The following ERC2 variants were observed in gnomAD, a reference collection of about 807,000 sequenced individuals.
ERC2 encodes ERC protein 2.
Under a neutral mutation model 114.8 loss-of-function variants are expected in ERC2, and 42 were observed. The observed-to-expected ratio is 0.37, with a 90% confidence interval of 0.29 to 0.47. The LOEUF is 0.47. ERC2 is among the 20% of genes least tolerant of loss of function. The pLI is 0.99. For missense variants in ERC2, 939 were observed against 1,150.7 expected, an observed-to-expected ratio of 0.82 and a Z score of 2.66; for synonymous variants, 454 against 425.5, an observed-to-expected ratio of 1.07 and a Z score of -0.82.
intron 3 of ERC2, among the ~76,000 whole-genome samples, chr3:56,246,511 T>C (rs919448354): frequency 2.6e-5 from 4 of 152,148 alleles, no homozygotes; most frequent in African/African-American, 7.2e-5. Context: ...TATTGAGGTT[T>C]ACAGTTAGCC....
chr3:56,050,976 A>G (rs2075735171), intron 7 of ERC2, among the ~76,000 whole-genome samples: 1 of 152,230 alleles, frequency 6.6e-6, no homozygotes, highest in Admixed American at 6.5e-5. Flanking sequence ...TATTAGGGAA[A>G]GCACATGAGA....
At chr3:56,419,975 A>G (rs1485647785) in intron 2 of ERC2, among the ~76,000 whole-genome samples, 1 of 152,068 alleles carries the variant, frequency 6.6e-6, no homozygotes, top group African/African-American at 2.4e-5. Context: ...TCTGGCCATC[A>G]TGTGCACTGT....
intron 14 of ERC2, among the ~76,000 whole-genome samples, chr3:55,871,826 T>C (rs2062595839): frequency 6.6e-6 from 1 of 152,144 alleles, no homozygotes; most frequent in Non-Finnish European, 1.5e-5. Flanking sequence ...TTTTAAAAAA[T>C]TAAAATCTAA....
intron 3 of ERC2, among the ~76,000 whole-genome samples, chr3:56,253,116 G>C (rs139664535): frequency 6.6e-6 from 1 of 152,252 alleles, no homozygotes; most frequent in East Asian, 1.9e-4. Context: ...TTTCACTGCT[G>C]TACCTTACCA....
intron 7 of ERC2, among the ~76,000 whole-genome samples, chr3:56,022,547 G>A (rs2073787611): frequency 6.6e-6 from 1 of 151,998 alleles, no homozygotes; most frequent in Non-Finnish European, 1.5e-5. Context: ...ATAAAATTCT[G>A]TATCTTTTAA....
intron 14 of ERC2, among the ~76,000 whole-genome samples, chr3:55,792,080 C>T (rs950394654): frequency 6.6e-6 from 1 of 152,124 alleles, no homozygotes; most frequent in Non-Finnish European, 1.5e-5. Context: ...GTACAACAAA[C>T]CCCTAAATCT....
At chr3:56,017,831 T>G (rs1385924990) in intron 8 of ERC2, among the ~76,000 whole-genome samples, 5 of 152,182 alleles carry the variant, frequency 3.3e-5, no homozygotes, top group African/African-American at 1.2e-4. Flanking sequence ...TTTTCTTCTC[T>G]GCTGCATCCC....
chr3:55,591,937 C>G (rs1364804217), intron 17 of ERC2, among the ~76,000 whole-genome samples: 1 of 152,222 alleles, frequency 6.6e-6, no homozygotes, highest in Non-Finnish European at 1.5e-5. Flanking sequence ...TGACACATAG[C>G]TTCTGAAGAA....
intron 13 of ERC2, among the ~76,000 whole-genome samples, chr3:55,943,212 T>G (rs929646424): frequency 1.3e-5 from 2 of 152,246 alleles, no homozygotes; most frequent in African/African-American, 4.8e-5. Context: ...ACATAAATTC[T>G]ACCTTGGAAA....
chr3:55,518,699 A>T (rs1174261407), intron 17 of ERC2, among the ~76,000 whole-genome samples: 1 of 152,252 alleles, frequency 6.6e-6, no homozygotes, highest in Admixed American at 6.5e-5. Context: ...TAGAAAAGAA[A>T]AAAAAAGTTC....
chr3:56,342,756 T>C (rs963712818), intron 2 of ERC2, among the ~76,000 whole-genome samples: 2 of 152,200 alleles, frequency 1.3e-5, no homozygotes, highest in African/African-American at 4.8e-5. Context: ...TGGAACAATT[T>C]TTAATTGAAG....
chr3:55,700,913 G>A (rs2063193352), intron 15 of ERC2, among the ~76,000 whole-genome samples: 2 of 152,136 alleles, frequency 1.3e-5, no homozygotes, highest in Admixed American at 1.3e-4. Flanking sequence ...AAAGAATGAA[G>A]GGGCCATGAT....
At chr3:55,813,299 A>G (rs995128334) in intron 14 of ERC2, among the ~76,000 whole-genome samples, 2 of 152,240 alleles carry the variant, frequency 1.3e-5, no homozygotes, top group Non-Finnish European at 2.9e-5. Flanking sequence ...TTAAAATTGA[A>G]TAAAATTTAA....
chr3:56,051,814 G>A (rs1378061380), intron 7 of ERC2, among the ~76,000 whole-genome samples: 2 of 144,518 alleles, frequency 1.4e-5, no homozygotes, highest in Non-Finnish European at 3.0e-5. Context: ...GACAGAGTGA[G>A]ACTCCATCTC....
intron 3 of ERC2, among the ~76,000 whole-genome samples, chr3:56,280,824 C>A (rs1272108548): frequency 6.6e-6 from 1 of 152,198 alleles, no homozygotes; most frequent in Non-Finnish European, 1.5e-5. Context: ...TACTTATATT[C>A]TAATAGCATG....
intron 3 of ERC2, among the ~76,000 whole-genome samples, chr3:56,280,958 C>G (rs1174742291): frequency 1.3e-5 from 2 of 151,948 alleles, no homozygotes; most frequent in Non-Finnish European, 2.9e-5. Context: ...GTTGAGTGCC[C>G]AACACAAAGT....
At position 55,622,839 on chromosome 3, in the gene ERC2, C is replaced by T. The variant is rs181436602; in HGVS notation, c.*39+60955G>A. Among the ~76,000 whole-genome samples the T allele has an allele frequency of 3.7e-4, 56 of 152,004 alleles. No homozygotes were observed. The South Asian group carries it at 5.4e-3, about 15-fold the overall frequency. On this transcript the variant is annotated intron_variant, in intron 17 of 17. Transcript: ENST00000288221. ...CCTCATATTAGAGGAGGAGTGAGGG[C>T]TCCAGTTCCATCTGCCATGCAAACG...
At chr3:56,067,969 G>A (rs1202298547) in intron 7 of ERC2, among the ~76,000 whole-genome samples, 1 of 152,226 alleles carries the variant, frequency 6.6e-6, no homozygotes. Context: ...TTTTCGCATC[G>A]ATTTTCATCA....
intron 17 of ERC2, chr3:55,647,210 C>T (rs1169746103): frequency 6.8e-6 from 1 of 147,686 alleles, no homozygotes; most frequent in East Asian, 1.9e-4. Context: ...ACTACAATCC[C>T]CGCCTCCCGA....
Sources: gnomAD v4.1 joint callset for allele counts (sites outside exome capture counted in the v4.1 genomes callset) on GRCh38, gnomAD v4.1.1 for gene constraint, MANE v1.5 for transcripts, NCBI Gene and HGNC (gene_info 2026-07-23, HGNC 2026-07-21) for gene names.